The following RHOBTB3 variants were observed in gnomAD, a reference collection of about 807,000 sequenced individuals.
RHOBTB3 encodes rho-related BTB domain-containing protein 3.
Under a neutral mutation model 67.2 loss-of-function variants are expected in RHOBTB3, and 47 were observed. The observed-to-expected ratio is 0.70, with a 90% confidence interval of 0.55 to 0.89. The LOEUF (loss-of-function observed/expected upper bound fraction) is 0.89. Ranked by LOEUF, RHOBTB3 falls within the 40% of genes least tolerant of loss-of-function variation. RHOBTB3 has a pLI of 0.00. For synonymous variants in RHOBTB3, 273 were observed against 274.2 expected (o/e 1.00, Z 0.04); for missense variants, 631 against 750.0 (o/e 0.84, Z 1.85).
At chr5:95,725,830 T>C (rs1324641508) in intron 1 of RHOBTB3, among the ~76,000 whole-genome samples, 2 of 152,102 alleles carry the variant, frequency 1.3e-5, no homozygotes, top group Non-Finnish European at 2.9e-5. Flanking sequence ...TTTGAATGTT[T>C]AGTCAAAACA....
At chr5:95,741,522 TG>T (rs1755598517) in intron 3 of RHOBTB3, among the ~76,000 whole-genome samples, 1 of 115,852 alleles carries the variant, frequency 8.6e-6, no homozygotes, top group African/African-American at 3.0e-5. Flanking sequence ...TCTTTCTTTC[TG>T]TTTTTTTTTT....
chr5:95,734,246 GC>G (rs1486610917), intron 2 of RHOBTB3, among the ~76,000 whole-genome samples: 1 of 152,108 alleles, frequency 6.6e-6, no homozygotes, highest in Admixed American at 6.5e-5. Context: ...CATACATGCA[GC>G]CCCACAATCA....
Position 95,732,293 on chromosome 5 carries a change from C to A in RHOBTB3, c.228+209C>A, listed in dbSNP as rs913723718. 2.0e-5 allele frequency: 12 copies of A among 613,766 alleles called. No homozygotes were observed. In the South Asian group the frequency reaches 2.3e-4, roughly 12 times the overall value. 38.0% of individuals were successfully genotyped at this position (613,766 alleles called of 1,614,324 possible). A position where few individuals can be genotyped will look rare whatever the true frequency, so the allele number is the denominator to read the frequency against. On this transcript the variant is annotated intron_variant, in intron 2 of 11. Transcript: ENST00000379982. Reference sequence around the variant, plus strand: ...GAACACTCTTAGGAAGATAGAAGGCCCCAGTGGGAATGTGGAGCACTTACT... The same window carrying A: ...GAACACTCTTAGGAAGATAGAAGGCACCAGTGGGAATGTGGAGCACTTACT...
intron 1 of RHOBTB3, among the ~76,000 whole-genome samples, chr5:95,725,793 T>C (rs1390017694): frequency 6.6e-6 from 1 of 151,946 alleles, no homozygotes; most frequent in Non-Finnish European, 1.5e-5. Flanking sequence ...ATTGTAATGT[T>C]AGCTTGGAAT....
Position 95,732,195 on chromosome 5 carries a change from G to T in RHOBTB3, c.228+111G>T, listed in dbSNP as rs902029241. ...GAGTGTGGAGTGTCCGCGTTACATG[G>T]GTCAAATTTTTAAACATTTTTGAGA... On this transcript the variant is annotated intron_variant, in intron 2 of 11. Coordinates refer to ENST00000379982, the MANE Select transcript of RHOBTB3 (RefSeq NM_014899.4). 6 of 953,422 alleles carry T rather than the reference G, an allele frequency of 6.3e-6. No individual in the cohort carries two copies. The Admixed American group carries it at 6.3e-5, about 10-fold the overall frequency. The allele number at this position is 953,422 out of a possible 1,614,324, so 59.1% of individuals were successfully genotyped here.
chr5:95,730,084 T>TA (rs397738577), upstream of RHOBTB3, among the ~76,000 whole-genome samples: 1,557 of 145,948 alleles, frequency 0.011, 10 homozygotes, highest in Middle Eastern at 0.017. Context: ...GAAATTAGAT[T>TA]AAAAAAAAAA....
intron 2 of RHOBTB3, among the ~76,000 whole-genome samples, chr5:95,733,988 C>T (rs1470488669): frequency 6.6e-6 from 1 of 152,174 alleles, no homozygotes; most frequent in Non-Finnish European, 1.5e-5. Flanking sequence ...TTTTCCCTAT[C>T]TATAAAATAA....
rs761435177 is a variant in RHOBTB3, at chr5:95,731,904, C to G, written c.48C>G (p.His16Gln). The G allele has an allele frequency of 6.2e-7, 1 of 1,613,970 alleles. No individual in the cohort carries two copies. Among genetic ancestry groups the G allele is most frequent in the African/African-American group, 1.3e-5 (1 of 74,944 alleles). ...VALGNEGDTF[H>Q]QDNRPSGLIR... ...TGGGGAACGAGGGGGACACATTCCA[C>G]CAGGACAACCGGCCGTCGGGGCTTA... The change falls in exon 2 of 12, where the codon CAC (histidine) becomes CAG (glutamine). Residue 16 changes from histidine to glutamine, a missense_variant. Coordinates refer to ENST00000379982, the MANE Select transcript of RHOBTB3 (RefSeq NM_014899.4).
chr5:95,781,026 A>T (rs1329074020), intron 9 of RHOBTB3, among the ~76,000 whole-genome samples: 2 of 152,140 alleles, frequency 1.3e-5, no homozygotes, highest in African/African-American at 4.8e-5. Flanking sequence ...TTCCAAATTC[A>T]CTGACCAAGG....
chr5:95,765,787 G>A (rs533383585), intron 7 of RHOBTB3, among the ~76,000 whole-genome samples: 13 of 152,186 alleles, frequency 8.5e-5, no homozygotes, highest in South Asian at 4.1e-4. Context: ...TCAGCCTCCC[G>A]AGTAGTTGGG....
chr5:95,719,363 A>G (rs1390899385), intron 1 of RHOBTB3, among the ~76,000 whole-genome samples: 1 of 152,216 alleles, frequency 6.6e-6, no homozygotes, highest in Non-Finnish European at 1.5e-5. Flanking sequence ...AAGGTGAACT[A>G]GAAAGATTCC....
At position 95,763,999 on chromosome 5, in the gene RHOBTB3, G is replaced by A. The variant is rs562074556; in HGVS notation, c.1161+379G>A. ...TAATTTTTAAATTTTTTGTAGAGAC[G>A]TGGTTTTTCCATGTTGCCCAGGCTA... On this transcript the variant is annotated intron_variant, in intron 7 of 11. Transcript: ENST00000379982. Among the ~76,000 whole-genome samples, 47 of 152,076 alleles carry A rather than the reference G, an allele frequency of 3.1e-4. No individual in the cohort carries two copies. The South Asian group carries it at 9.3e-3, about 30-fold the overall frequency.
intron 4 of RHOBTB3, chr5:95,751,493 A>C (rs781386756): frequency 2.4e-4 from 36 of 151,234 alleles, no homozygotes; most frequent in Admixed American, 2.4e-3. Flanking sequence ...GAATATATAT[A>C]TATATTTGTT....
Position 95,732,068 on chromosome 5 carries a change from A to G in RHOBTB3, c.212A>G (p.His71Arg). The G allele has an allele frequency of 6.2e-7, 1 of 1,614,194 alleles. No homozygotes were observed. The highest frequency in any genetic ancestry group is 8.5e-7 in the Non-Finnish European group (1 of 1,180,016). The change falls in exon 2 of 12, where the codon CAC becomes CGC. Residue 71 changes from histidine (H) to arginine (R), a missense_variant. Coordinates refer to ENST00000379982, the MANE Select transcript of RHOBTB3 (RefSeq NM_014899.4). ...SAFGNVKLVV[H>R]DCPVWDIFDS... ...TTTGGGAATGTCAAGCTGGTGGTCC[A>G]CGACTGTCCCGTCTGGGTAAGGAAG...
At chr5:95,730,139 C>A (rs1580387759), upstream of RHOBTB3, among the ~76,000 whole-genome samples, 1 of 151,830 alleles carries the variant, frequency 6.6e-6, no homozygotes, top group African/African-American at 2.4e-5. Context: ...CCTCTCTGAG[C>A]ACGAGAAACT....
intron 1 of RHOBTB3, among the ~76,000 whole-genome samples, chr5:95,722,129 A>G (rs1422349599): frequency 1.3e-5 from 2 of 152,186 alleles, no homozygotes; most frequent in Non-Finnish European, 2.9e-5. Flanking sequence ...TTCTAAGCAT[A>G]TTTGTAAAAC....
At chr5:95,737,161 G>A in intron 3 of RHOBTB3, 86 bp downstream of exon 3, 1 of 948,926 alleles carries the variant, frequency 1.1e-6, no homozygotes, top group Non-Finnish European at 1.5e-6. Flanking sequence ...TGGATAATAG[G>A]GTTTGTTTTT....
rs562317753 is a variant in RHOBTB3, at chr5:95,770,188, G to A, written c.1282+2022G>A. Reference sequence around the variant, plus strand: ...ATGAAAAGGGAAAAGTGAATGAATGGCAAAACTTTAAAATGGAGTAGCTGT... The same window carrying A: ...ATGAAAAGGGAAAAGTGAATGAATGACAAAACTTTAAAATGGAGTAGCTGT... On this transcript the variant is annotated intron_variant, in intron 8 of 11. Transcript: ENST00000379982. 2.0e-4 allele frequency: 53 copies of A among 267,056 alleles called. No individual in the cohort carries two copies. The South Asian group carries it at 2.4e-3, about 12-fold the overall frequency. 16.5% of individuals were successfully genotyped at this position (267,056 alleles called of 1,614,324 possible).
At chr5:95,776,329 C>G (rs1745879154) in intron 8 of RHOBTB3, among the ~76,000 whole-genome samples, 1 of 151,858 alleles carries the variant, frequency 6.6e-6, no homozygotes, top group Non-Finnish European at 1.5e-5. Flanking sequence ...ATCACTTGAA[C>G]CCAGGAAGCA....
Sources: gnomAD v4.1 joint callset for allele counts (sites outside exome capture counted in the v4.1 genomes callset) on GRCh38, gnomAD v4.1.1 for gene constraint, MANE v1.5 for transcripts, NCBI Gene and HGNC (gene_info 2026-07-23, HGNC 2026-07-21) for gene names.